MYO9A: variants seen among roughly 807,000 people sequenced by gnomAD.
MYO9A encodes the protein unconventional myosin-IXa.
In MYO9A, 103 loss-of-function variants were observed where a neutral mutation model predicts 293.3. That is an observed-to-expected ratio of 0.35 (90% CI 0.30 to 0.41). MYO9A has a LOEUF of 0.41. MYO9A is among the 10% of genes least tolerant of loss of function. The pLI, the probability that MYO9A is intolerant of heterozygous loss-of-function variation, is 1.00. For missense variants in MYO9A, 2,685 were observed against 3,033.0 expected (o/e 0.89, Z 2.69); for synonymous variants, 1,001 against 1,035.7 (o/e 0.97, Z 0.64).
At chr15:71,830,058 G>A in intron 40 of MYO9A, 51 bp downstream of exon 40, 1 of 1,562,092 alleles carries the variant, frequency 6.4e-7, no homozygotes, top group African/African-American at 1.4e-5. Context: ...ATAGAAGGAA[G>A]GAAACAAAAA....
At chr15:71,830,038 TAAAG>T (rs749666292) in intron 40 of MYO9A, 67 bp downstream of exon 40, 268 of 1,462,312 alleles carry the variant, frequency 1.8e-4, no homozygotes, top group Admixed American at 2.8e-4. Context: ...TAAGAAAAAA[TAAAG>T]AAACGATAGA....
intron 18 of MYO9A, among the ~76,000 whole-genome samples, chr15:71,930,541 C>A (rs138146320): frequency 2.6e-5 from 4 of 151,962 alleles, no homozygotes; most frequent in African/African-American, 9.7e-5. Context: ...TTTTCATTTG[C>A]GTGGGATACT....
chr15:71,892,553 T>A (rs2057208976), intron 26 of MYO9A: 1 of 154,466 alleles, frequency 6.5e-6, no homozygotes, highest in Non-Finnish European at 1.4e-5. Flanking sequence ...GTCATGCCCA[T>A]TTGTTTACTT....
At chr15:72,013,409 C>T (rs537139772) in intron 6 of MYO9A, among the ~76,000 whole-genome samples, 277 of 152,236 alleles carry the variant, frequency 1.8e-3, no homozygotes, top group Non-Finnish European at 3.4e-3. Context: ...CCTTCAGGCC[C>T]CAGGATCCAA....
At chr15:71,830,973 CTTTTTT>C (rs67440366) in intron 39 of MYO9A, among the ~76,000 whole-genome samples, 8 of 103,080 alleles carry the variant, frequency 7.8e-5, no homozygotes, top group African/African-American at 3.1e-4. Context: ...CTGCTTCTTC[CTTTTTT>C]TTTTTTTTTT....
intron 21 of MYO9A, 136 bp downstream of exon 21, chr15:71,903,793 A>G: frequency 1.4e-6 from 1 of 723,656 alleles, no homozygotes; most frequent in Non-Finnish European, 2.3e-6. Context: ...TCCCTTTTCA[A>G]TTCCGTATAC....
At chr15:71,880,645 C>G in intron 28 of MYO9A, 87 bp from the exon 29 acceptor site, 26 of 1,196,546 alleles carry the variant, frequency 2.2e-5, no homozygotes, top group Non-Finnish European at 2.9e-5. Flanking sequence ...GTTCCTTTAA[C>G]AAGTCACTGA....
At chr15:71,966,919 G>GTC (rs1463815466) in intron 13 of MYO9A, among the ~76,000 whole-genome samples, 2 of 151,906 alleles carry the variant, frequency 1.3e-5, no homozygotes, top group Admixed American at 1.3e-4. Context: ...ATAACCCCCT[G>GTC]TCTATTCTCT....
intron 11 of MYO9A, among the ~76,000 whole-genome samples, chr15:71,985,953 G>A (rs2076397632): frequency 6.6e-6 from 1 of 152,108 alleles, no homozygotes; most frequent in Non-Finnish European, 1.5e-5. Context: ...GCACACAACT[G>A]TTGTTCAATT....
At chr15:71,958,291 T>G (rs1402432885) in intron 14 of MYO9A, among the ~76,000 whole-genome samples, 1 of 152,172 alleles carries the variant, frequency 6.6e-6, no homozygotes, top group East Asian at 1.9e-4. Flanking sequence ...TAAACCATTT[T>G]TACAATCTGT....
chr15:72,072,875 C>A (rs576234033), intron 1 of MYO9A, among the ~76,000 whole-genome samples: 2 of 151,996 alleles, frequency 1.3e-5, no homozygotes, highest in African/African-American at 4.8e-5. Flanking sequence ...GGAACCCGCA[C>A]GTATACACCC....
chr15:71,888,681 A>G (rs1567232428), intron 26 of MYO9A: 2 of 152,358 alleles, frequency 1.3e-5, no homozygotes, highest in East Asian at 3.9e-4. Context: ...TTTAATTGGC[A>G]GTTCTTGTTC....
intron 1 of MYO9A, among the ~76,000 whole-genome samples, chr15:72,087,899 C>T (rs1372487564): frequency 1.3e-5 from 2 of 152,068 alleles, no homozygotes; most frequent in Admixed American, 6.5e-5. Flanking sequence ...TGTTAAAGCC[C>T]CAATCTGCAA....
intron 8 of MYO9A, among the ~76,000 whole-genome samples, chr15:72,001,478 C>A (rs373644045): frequency 5.6e-5 from 8 of 141,922 alleles, no homozygotes; most frequent in Admixed American, 3.8e-4. Context: ...CACTTGAAAC[C>A]GGGAGGCAGA....
chr15:72,105,352 T>A (rs996000278), intron 1 of MYO9A, among the ~76,000 whole-genome samples: 1 of 152,050 alleles, frequency 6.6e-6, no homozygotes, highest in Non-Finnish European at 1.5e-5. Flanking sequence ...GCCTTCCCAG[T>A]AGCTAGGACC....
At position 71,935,497 on chromosome 15, in the gene MYO9A, T is replaced by C. The variant is rs2058615943; in HGVS notation, c.2379-13A>G. 6.2e-7 allele frequency: 1 copy of C among 1,611,086 alleles called. No individual in the cohort carries two copies. Among genetic ancestry groups the C allele is most frequent in the Non-Finnish European group, 8.5e-7 (1 of 1,178,336 alleles). On this transcript the variant is annotated splice_polypyrimidine_tract_variant and intron_variant, in intron 16 of 41. Transcript: ENST00000356056. ...ATCAAATGTATCACTGTAAAAAATA[T>C]AATTTGCTTTAGTTAATGAAGACGT...
In MYO9A at chr15:72,032,601, A is replaced by G. The variant is rs747468740; in HGVS notation, c.841-13T>C. ...CATTTCCAAAGGCCTGTCAAAATAAATAATTCTCATTAGTTTCACTAAAAA... is the reference window on the plus strand; with the variant it reads ...CATTTCCAAAGGCCTGTCAAAATAAGTAATTCTCATTAGTTTCACTAAAAA... On this transcript the variant is annotated splice_polypyrimidine_tract_variant and intron_variant, in intron 2 of 41. Transcript: ENST00000356056. 1.3e-6 allele frequency: 2 copies of G among 1,573,878 alleles called. No individual in the cohort carries two copies. The highest frequency in any genetic ancestry group is 1.7e-6 in the Non-Finnish European group (2 of 1,165,418).
intron 1 of MYO9A, among the ~76,000 whole-genome samples, chr15:72,108,467 G>T (rs184300319): frequency 6.6e-6 from 1 of 152,266 alleles, no homozygotes; most frequent in East Asian, 1.9e-4. Context: ...TCTACAAGAT[G>T]ATTGGTCTCT....
intron 6 of MYO9A, among the ~76,000 whole-genome samples, chr15:72,014,560 C>T (rs2077267172): frequency 6.6e-6 from 1 of 152,074 alleles, no homozygotes; most frequent in Admixed American, 6.5e-5. Context: ...GTGCCGGGCA[C>T]CTGTAATCCC....
Sources: gnomAD v4.1 joint callset for allele counts (sites outside exome capture counted in the v4.1 genomes callset) on GRCh38, gnomAD v4.1.1 for gene constraint, MANE v1.5 for transcripts, NCBI Gene and HGNC (gene_info 2026-07-23, HGNC 2026-07-21) for gene names.